Variants in PDE2A observed in about 807,000 individuals in gnomAD.
The protein encoded by PDE2A is phosphodiesterase 2A, also known as cGMP-dependent 3',5'-cyclic phosphodiesterase.
A neutral mutation model predicts 133.6 loss-of-function variants in PDE2A; 53 were observed. The ratio of observed to expected loss-of-function variants is 0.40; its 90% CI spans 0.32 to 0.50. The LOEUF is 0.50. Ranked by LOEUF, PDE2A falls within the 20% of genes least tolerant of loss-of-function variation. The pLI is 0.73. For synonymous variants in PDE2A, 491 were observed against 490.2 expected (o/e 1.00, Z -0.02); for missense variants, 796 against 1,232.4 (o/e 0.65, Z 5.30).
At chr11:72,595,398 C>A (rs1856433863) in intron 6 of PDE2A, among the ~76,000 whole-genome samples, 1 of 152,092 alleles carries the variant, frequency 6.6e-6, no homozygotes, top group South Asian at 2.1e-4. Flanking sequence ...CGTGCAACAG[C>A]AGCTCCGTTC....
chr11:72,627,719 G>A (rs1200681279), intron 2 of PDE2A, among the ~76,000 whole-genome samples: 1 of 152,194 alleles, frequency 6.6e-6, no homozygotes, highest in East Asian at 1.9e-4. Context: ...AGTACTTATT[G>A]TGGATGTCAG....
intron 16 of PDE2A, 114 bp from the exon 17 acceptor site, chr11:72,585,058 T>C: frequency 1.0e-6 from 1 of 992,376 alleles, no homozygotes; most frequent in Non-Finnish European, 1.6e-6. Context: ...TGCTCCAAGG[T>C]AAGACACTCT....
At chr11:72,669,514 C>A (rs1399734734) in intron 1 of PDE2A, among the ~76,000 whole-genome samples, 3 of 152,100 alleles carry the variant, frequency 2.0e-5, no homozygotes, top group Non-Finnish European at 4.4e-5. Context: ...GAAAACATTT[C>A]TGTTACTAAA....
intron 2 of PDE2A, among the ~76,000 whole-genome samples, chr11:72,633,318 G>A (rs1371184288): frequency 6.6e-6 from 1 of 152,170 alleles, no homozygotes; most frequent in Non-Finnish European, 1.5e-5. Context: ...GGGACCTCAG[G>A]GCTCTCCCCA....
chr11:72,639,990 C>T (rs536950124), intron 2 of PDE2A, among the ~76,000 whole-genome samples: 3 of 152,188 alleles, frequency 2.0e-5, no homozygotes, highest in South Asian at 2.1e-4. Context: ...ACACTGCCAC[C>T]GCAGCACATT....
chr11:72,672,335 C>G (rs1014945764), intron 1 of PDE2A, among the ~76,000 whole-genome samples: 3 of 152,148 alleles, frequency 2.0e-5, no homozygotes, highest in Non-Finnish European at 4.4e-5. Flanking sequence ...AGGCGTGTGC[C>G]ACCACACCCA....
intron 4 of PDE2A, among the ~76,000 whole-genome samples, chr11:72,598,315 C>T (rs1026924087): frequency 1.3e-5 from 2 of 152,192 alleles, no homozygotes; most frequent in African/African-American, 4.8e-5. Flanking sequence ...ATGCTGGAAC[C>T]TTCCCAAATA....
At chr11:72,625,541 CAG>C (rs1858015081) in intron 2 of PDE2A, among the ~76,000 whole-genome samples, 1 of 152,158 alleles carries the variant, frequency 6.6e-6, no homozygotes, top group Non-Finnish European at 1.5e-5. Flanking sequence ...AGCCAGGAAA[CAG>C]GGAGGAGGAG....
At chr11:72,620,753 G>T (rs539099748) in intron 2 of PDE2A, among the ~76,000 whole-genome samples, 12 of 152,244 alleles carry the variant, frequency 7.9e-5, no homozygotes, top group African/African-American at 2.9e-4. Context: ...GGATGAGGCT[G>T]CAGGAGCCTG....
intron 2 of PDE2A, among the ~76,000 whole-genome samples, chr11:72,623,412 T>G (rs1005724023): frequency 3.3e-5 from 5 of 152,074 alleles, no homozygotes; most frequent in Non-Finnish European, 7.4e-5. Flanking sequence ...AATGGAATAT[T>G]CAGAGTTTAA....
At chr11:72,642,118 C>A (rs1479651126) in intron 2 of PDE2A, 136 bp downstream of exon 2, 1 of 1,231,242 alleles carries the variant, frequency 8.1e-7, no homozygotes, top group African/African-American at 1.6e-5. Flanking sequence ...GTCTGCGCTG[C>A]CGTCCCAGCA....
At chr11:72,663,603 C>T (rs1387105114) in intron 1 of PDE2A, among the ~76,000 whole-genome samples, 1 of 152,070 alleles carries the variant, frequency 6.6e-6, no homozygotes. Context: ...CTGGCAGGTG[C>T]CTGTGATCCC....
chr11:72,619,045 A>G (rs1357427258), intron 2 of PDE2A, among the ~76,000 whole-genome samples: 1 of 148,014 alleles, frequency 6.8e-6, no homozygotes, highest in African/African-American at 2.5e-5. Context: ...GCATGCACAC[A>G]GCGTGCGCAC....
rs190237559 is a variant in PDE2A at position 72,662,917 on chromosome 11, C to T, written c.71+11220G>A. On this transcript the variant is annotated intron_variant, in intron 1 of 30. Coordinates refer to ENST00000334456, the MANE Select transcript of PDE2A (RefSeq NM_002599.5). ...GGGCCTTCACTCCCTTCCTCTCCAC[C>T]GCCAGGCCCTTCCTCCAGCCCAGGA... Among the ~76,000 whole-genome samples the T allele has an allele frequency of 1.6e-3, 238 of 152,264 alleles. 1 individual carries two copies. The highest frequency in any genetic ancestry group is 5.5e-3 in the African/African-American group (230 of 41,550).
At chr11:72,591,091 G>C (rs1284070641) in intron 7 of PDE2A, 3 of 601,536 alleles carry the variant, frequency 5.0e-6, no homozygotes, top group Non-Finnish European at 9.0e-6. Flanking sequence ...CACTGCCCTA[G>C]GTCAGTCGGT....
chr11:72,639,529 A>T (rs1280250137), intron 2 of PDE2A, among the ~76,000 whole-genome samples: 4 of 152,142 alleles, frequency 2.6e-5, no homozygotes, highest in African/African-American at 9.7e-5. Flanking sequence ...GACACCACCC[A>T]GGCCTCACTG....
At chr11:72,652,456 G>C (rs1854766711) in intron 1 of PDE2A, 1 of 453,676 alleles carries the variant, frequency 2.2e-6, no homozygotes, top group Non-Finnish European at 4.4e-6. Flanking sequence ...TATGGCCCCT[G>C]GTCCTCCCTA....
chr11:72,579,203 C>T, intron 27 of PDE2A, 81 bp downstream of exon 27: 3 of 1,144,888 alleles, frequency 2.6e-6, no homozygotes, highest in Non-Finnish European at 4.0e-6. Context: ...GATGGGTCTG[C>T]ACCCTGGGAA....
At chr11:72,664,182 G>C (rs934864836) in intron 1 of PDE2A, among the ~76,000 whole-genome samples, 1 of 152,052 alleles carries the variant, frequency 6.6e-6, no homozygotes, top group African/African-American at 2.4e-5. Flanking sequence ...CACTCTCCTC[G>C]GCCCCCCTCT....
Sources: allele counts gnomAD v4.1 joint callset (sites outside exome capture counted in the v4.1 genomes callset), GRCh38; gene constraint gnomAD v4.1.1; transcripts MANE v1.5; gene names NCBI Gene and HGNC (gene_info 2026-07-23, HGNC 2026-07-21).